The following SAMD4A variants were observed in gnomAD, a reference collection of about 807,000 sequenced individuals.
SAMD4A encodes the protein sterile alpha motif domain containing 4A, also known as protein Smaug homolog 1.
In SAMD4A, 33 loss-of-function variants were observed where a neutral mutation model predicts 81.3. The observed-to-expected ratio is 0.41, with a 90% CI of 0.31 to 0.54. The LOEUF is 0.54. Ranked by LOEUF, SAMD4A falls within the 20% of genes least tolerant of loss-of-function variation. The probability of loss-of-function intolerance (pLI) is 0.37; values close to 1 mark genes in which losing one functional copy is unlikely to be tolerated. For missense variants in SAMD4A, 854 were observed against 951.1 expected, an observed-to-expected ratio of 0.90 and a Z score of 1.34; for synonymous variants, 389 against 382.1, an observed-to-expected ratio of 1.02 and a Z score of -0.21.
intron 2 of SAMD4A, among the ~76,000 whole-genome samples, chr14:54,607,027 G>A (rs957674587): frequency 3.9e-5 from 6 of 152,212 alleles, no homozygotes; most frequent in African/African-American, 1.4e-4. Context: ...CACTGGACTC[G>A]GAACATGAGG....
At chr14:54,582,297 T>C (rs950085139) in intron 2 of SAMD4A, among the ~76,000 whole-genome samples, 2 of 152,114 alleles carry the variant, frequency 1.3e-5, no homozygotes, top group African/African-American at 2.4e-5. Flanking sequence ...TACCTTCTCA[T>C]TGAGAGAGAG....
At chr14:54,736,987 G>T (rs1398474221) in intron 3 of SAMD4A, 37 bp from the exon 4 acceptor site, 1 of 1,606,354 alleles carries the variant, frequency 6.2e-7, no homozygotes, top group South Asian at 1.1e-5. Flanking sequence ...GGATAAAGGG[G>T]GGGGAATAAC....
At chr14:54,746,436 C>G (rs901300107) in intron 4 of SAMD4A, among the ~76,000 whole-genome samples, 4 of 152,156 alleles carry the variant, frequency 2.6e-5, no homozygotes, top group Non-Finnish European at 4.4e-5. Context: ...TGGATAGGAG[C>G]CTTTTTTAGG....
chr14:54,769,197 G>C (rs757805719), intron 8 of SAMD4A, among the ~76,000 whole-genome samples: 7 of 152,206 alleles, frequency 4.6e-5, no homozygotes, highest in Non-Finnish European at 1.0e-4. Context: ...ACCTGCAGCA[G>C]AATTACCAGG....
At chr14:54,618,982 G>T (rs537069083) in intron 2 of SAMD4A, among the ~76,000 whole-genome samples, 37 of 152,134 alleles carry the variant, frequency 2.4e-4, no homozygotes, top group Non-Finnish European at 4.7e-4. Flanking sequence ...TTGATTTTTT[G>T]TATAGAAAGA....
At chr14:54,639,453 G>A (rs1012948057) in intron 2 of SAMD4A, among the ~76,000 whole-genome samples, 2 of 152,140 alleles carry the variant, frequency 1.3e-5, no homozygotes, top group African/African-American at 4.8e-5. Context: ...AAGGCAGCAG[G>A]GTTGGCGTGA....
chr14:54,590,111 A>C (rs1049399962), intron 2 of SAMD4A, among the ~76,000 whole-genome samples: 1 of 152,202 alleles, frequency 6.6e-6, no homozygotes, highest in African/African-American at 2.4e-5. Context: ...ATATTTGTTG[A>C]ATGAGTTAAT....
intron 7 of SAMD4A, among the ~76,000 whole-genome samples, chr14:54,762,767 C>G (rs911899426): frequency 1.4e-4 from 21 of 152,356 alleles, no homozygotes; most frequent in African/African-American, 5.1e-4. Flanking sequence ...ACCCCAAACC[C>G]TGCCATCCTC....
chr14:54,736,881 G>C (rs909108262), intron 3 of SAMD4A, 143 bp from the exon 4 acceptor site: 2 of 927,902 alleles, frequency 2.2e-6, no homozygotes, highest in Non-Finnish European at 3.3e-6. Context: ...ACCATGCCAG[G>C]CCTGTATTCA....
intron 2 of SAMD4A, among the ~76,000 whole-genome samples, chr14:54,616,182 C>A (rs531951805): frequency 1.1e-3 from 167 of 152,268 alleles, no homozygotes; most frequent in African/African-American, 3.7e-3. Context: ...TTGCCTTGCT[C>A]CCTCTGCTCA....
intron 11 of SAMD4A, among the ~76,000 whole-genome samples, chr14:54,783,296 CAG>C (rs1196294036): frequency 6.6e-6 from 1 of 152,120 alleles, no homozygotes; most frequent in African/African-American, 2.4e-5. Context: ...GTGGGAGATT[CAG>C]AGAGATAGGG....
At chr14:54,590,087 C>T (rs2033733585) in intron 2 of SAMD4A, among the ~76,000 whole-genome samples, 1 of 152,222 alleles carries the variant, frequency 6.6e-6, no homozygotes, top group Admixed American at 6.5e-5. Context: ...TGGGATATAG[C>T]AGGCACACAA....
chr14:54,769,634 G>C (rs2038648340), intron 8 of SAMD4A, among the ~76,000 whole-genome samples: 1 of 152,090 alleles, frequency 6.6e-6, no homozygotes, highest in African/African-American at 2.4e-5. Context: ...AGAGAATATA[G>C]TCCATTCTCT....
At chr14:54,777,224 G>C (rs2038878466) in intron 11 of SAMD4A, among the ~76,000 whole-genome samples, 1 of 151,680 alleles carries the variant, frequency 6.6e-6, no homozygotes, top group Admixed American at 6.6e-5. Flanking sequence ...CTGCCCCAAG[G>C]CAGGCAAACT....
At chr14:54,749,267 G>A (rs61977005) in intron 5 of SAMD4A, among the ~76,000 whole-genome samples, 1 of 152,134 alleles carries the variant, frequency 6.6e-6, no homozygotes, top group East Asian at 1.9e-4. Flanking sequence ...ATGCCACAAA[G>A]AATCTACATC....
chr14:54,779,699 G>A lies in SAMD4A; in HGVS notation c.2044+3159G>A, dbSNP rs180992303. On this transcript the variant is annotated intron_variant, in intron 11 of 12. Transcript: ENST00000554335. The stretch of plus-strand genomic sequence containing the variant: ...CAAGCTTTTTTTTTTTTTTTTTTTC[G>A]AGACGGAGTCTCACTCTGTCACCCA... Among the ~76,000 whole-genome samples, 490 of 125,788 alleles carry A rather than the reference G, an allele frequency of 3.9e-3. 6 individuals carry two copies. The highest frequency in any genetic ancestry group is 0.014 in the African/African-American group (464 of 32,478). 82.5% of individuals were successfully genotyped at this position (125,788 alleles called of 152,430 possible).
chr14:54,760,312 C>T lies in SAMD4A; in HGVS notation c.1328C>T (p.Pro443Leu). The T allele has an allele frequency of 6.2e-7, 1 of 1,608,372 alleles. No homozygotes were observed. Among genetic ancestry groups the T allele is most frequent in the Non-Finnish European group, 8.5e-7 (1 of 1,178,820 alleles). The change falls in exon 7 of 13, where the codon CCC (proline) becomes CTC (leucine). Residue 443 changes from proline to leucine, a missense_variant. Coordinates refer to ENST00000554335, the MANE Select transcript of SAMD4A (RefSeq NM_015589.6). ...CCGCGTCAGCCCTCACTGATGGGCC[C>T]CGAGAGCCAGAGCCCCGACTGCAAA... is the stretch of plus-strand genomic sequence containing the variant. Reference protein sequence around the residue: ...QAPRQPSLMGPESQSPDCKDG... With the variant: ...QAPRQPSLMGLESQSPDCKDG...
At chr14:54,766,963 G>A (rs71412650) in intron 8 of SAMD4A, among the ~76,000 whole-genome samples, 96 of 152,094 alleles carry the variant, frequency 6.3e-4, no homozygotes, top group African/African-American at 2.2e-3. Flanking sequence ...CTTGACCTCC[G>A]TGCAGCCCCA....
rs1015327042 is a variant in SAMD4A, at chr14:54,578,228, C to T, written c.196+10116C>T. Among the ~76,000 whole-genome samples, 3 of 152,292 alleles carry T rather than the reference C, an allele frequency of 2.0e-5. No individual in the cohort carries two copies. In the East Asian group the frequency reaches 5.8e-4, roughly 29 times the overall value. ...CCTCTCCACTGTAGGAATTTAGTGT[C>T]TATTTGCTTAGGAAAGAAGCTCTGA... On this transcript the variant is annotated intron_variant, in intron 2 of 12. Transcript: ENST00000554335.
Sources: allele counts gnomAD v4.1 joint callset (sites outside exome capture counted in the v4.1 genomes callset), GRCh38; gene constraint gnomAD v4.1.1; transcripts MANE v1.5; gene names NCBI Gene and HGNC (gene_info 2026-07-23, HGNC 2026-07-21).